The following NEDD4 variants were observed in gnomAD, a reference collection of about 807,000 sequenced individuals.
NEDD4 encodes NEDD4 E3 ubiquitin protein ligase, also known as E3 ubiquitin-protein ligase NEDD4.
In NEDD4, 99 loss-of-function variants were observed where a neutral mutation model predicts 144.9. The observed-to-expected ratio is 0.68, with a 90% confidence interval of 0.58 to 0.81. The LOEUF is 0.81. NEDD4 is among the 30% of genes least tolerant of loss of function. The probability of loss-of-function intolerance (pLI) is 0.00; values close to 1 mark genes in which losing one functional copy is unlikely to be tolerated. For missense variants in NEDD4, 985 were observed against 1,065.9 expected (o/e 0.92, Z 1.06); for synonymous variants, 318 against 350.6 (o/e 0.91, Z 1.04).
intron 12 of NEDD4, 71 bp downstream of exon 12, chr15:55,856,060 A>G: frequency 2.2e-6 from 3 of 1,368,584 alleles, no homozygotes; most frequent in Non-Finnish European, 3.1e-6. Context: ...TTCACACTCA[A>G]TCTTCCAAAA....
Position 55,966,513 on chromosome 15 carries a change from C to A in NEDD4, c.79G>T (p.Ala27Ser). The change falls in exon 2 of 29, where the codon GCC (alanine) becomes TCC (serine). Residue 27 changes from alanine (A) to serine (S), a missense_variant. Ala to Ser is a moderately conservative substitution (Grantham distance 99). Transcript: ENST00000435532. The stretch of plus-strand genomic sequence containing the variant: ...TCCTTCTTGGCAAGGCCTATTCCGG[C>A]TATAACTCTTACTCTCACAATTCGT... ...NSRIVRVRVI[A>S]GIGLAKKDIL... The A allele has an allele frequency of 6.5e-7, 1 of 1,534,962 alleles. No individual in the cohort carries two copies. Among genetic ancestry groups the A allele is most frequent in the South Asian group, 1.3e-5 (1 of 79,554 alleles).
chr15:55,903,839 AAC>A (rs201876442), intron 5 of NEDD4, among the ~76,000 whole-genome samples: 2 of 106,206 alleles, frequency 1.9e-5, no homozygotes, highest in African/African-American at 7.8e-5. Flanking sequence ...AAAAAAAAAA[AAC>A]ACACATATAT....
intron 17 of NEDD4, among the ~76,000 whole-genome samples, chr15:55,847,941 A>G (rs1035494411): frequency 6.6e-6 from 1 of 152,060 alleles, no homozygotes; most frequent in Non-Finnish European, 1.5e-5. Flanking sequence ...TGGCCTCCCA[A>G]AGTGCTGGGA....
At chr15:55,881,854 T>G (rs1265681265) in intron 5 of NEDD4, among the ~76,000 whole-genome samples, 3 of 152,152 alleles carry the variant, frequency 2.0e-5, no homozygotes, top group South Asian at 2.1e-4. Context: ...TAATTTTTTT[T>G]TTGTTGTGGG....
rs2033529872 is a variant in NEDD4, at chr15:55,841,949, A to C, written c.1823T>G (p.Phe608Cys). The change falls in exon 19 of 29, where the codon TTT becomes TGT. Residue 608 changes from phenylalanine to cysteine, a missense_variant. Phe to Cys is a radical substitution (Grantham distance 205). Transcript: ENST00000435532. ...AGGTACTTACGTAGCAGAATATTCA[A>C]ACAACCCATAATAAGGGTTAAACAT... is the stretch of plus-strand genomic sequence containing the variant. ...KEMFNPYYGL[F>C]EYSATDNYTL... is the part of the protein sequence containing the mutation. The C allele has an allele frequency of 6.2e-7, 1 of 1,610,742 alleles. No homozygotes were observed. Among genetic ancestry groups the C allele is most frequent in the Non-Finnish European group, 8.5e-7 (1 of 1,176,902 alleles).
chr15:55,877,412 T>C (rs2035033057), intron 5 of NEDD4, among the ~76,000 whole-genome samples: 1 of 152,238 alleles, frequency 6.6e-6, no homozygotes. Context: ...GTGATGCTTG[T>C]GCCCTTCTCA....
intron 5 of NEDD4, among the ~76,000 whole-genome samples, chr15:55,921,690 AT>A (rs1352821891): frequency 6.6e-6 from 1 of 152,158 alleles, no homozygotes; most frequent in Non-Finnish European, 1.5e-5. Flanking sequence ...AGTTTTAAAA[AT>A]TTTGTCATAT....
intron 1 of NEDD4, among the ~76,000 whole-genome samples, chr15:55,967,044 G>GT (rs2142330822): frequency 6.6e-6 from 1 of 151,848 alleles, no homozygotes; most frequent in African/African-American, 2.4e-5. Flanking sequence ...GCGCCACCAT[G>GT]CCCAGATAAT....
chr15:55,885,342 C>T (rs1211561783), intron 5 of NEDD4, among the ~76,000 whole-genome samples: 1 of 152,034 alleles, frequency 6.6e-6, no homozygotes, highest in Non-Finnish European at 1.5e-5. Flanking sequence ...TAATGAGCAA[C>T]AGGAAATTAT....
At chr15:55,855,575 G>A (rs2034159734) in intron 12 of NEDD4, among the ~76,000 whole-genome samples, 1 of 152,184 alleles carries the variant, frequency 6.6e-6, no homozygotes, top group Non-Finnish European at 1.5e-5. Flanking sequence ...GAGGATGGAG[G>A]CAGGGTTAAG....
Position 55,984,487 on chromosome 15 carries a change from T to C in NEDD4, c.45+9024A>G, listed in dbSNP as rs565654057. On this transcript the variant is annotated intron_variant, in intron 1 of 28. Transcript: ENST00000435532. ...AGAGTGGGTATTCAGTTAAAGGCAG[T>C]TGCTATTTATTTAGGTTGACTCTTT... is the stretch of plus-strand genomic sequence containing the variant. 7.9e-5 allele frequency among the ~76,000 whole-genome samples: 12 copies of C among 152,280 alleles called. 1 individual carries two copies. In the South Asian group the frequency reaches 1.5e-3, roughly 18 times the overall value.
chr15:55,837,408 C>T (rs1362431420), intron 24 of NEDD4, among the ~76,000 whole-genome samples: 1 of 142,234 alleles, frequency 7.0e-6, no homozygotes, highest in Non-Finnish European at 1.5e-5. Context: ...CCAGCCTGGG[C>T]GACAAAGTGA....
intron 1 of NEDD4, among the ~76,000 whole-genome samples, chr15:55,972,688 CAT>C (rs2037631595): frequency 6.6e-6 from 1 of 152,140 alleles, no homozygotes; most frequent in Non-Finnish European, 1.5e-5. Flanking sequence ...AATCAAAAGA[CAT>C]AGAGTGGTTG....
chr15:55,963,596 C>A (rs66493820), intron 2 of NEDD4, among the ~76,000 whole-genome samples: 20,451 of 152,066 alleles, frequency 0.13, 1,488 homozygotes, highest in East Asian at 0.32. Context: ...TTCCATTCAC[C>A]AACAATATAA....
intron 4 of NEDD4, among the ~76,000 whole-genome samples, chr15:55,947,403 T>G (rs1267574282): frequency 3.9e-5 from 6 of 152,212 alleles, no homozygotes; most frequent in East Asian, 3.9e-4. Context: ...GCAAATAAAC[T>G]AGAAAAGCTA....
chr15:55,896,228 C>A (rs927869943), intron 5 of NEDD4, among the ~76,000 whole-genome samples: 5 of 152,192 alleles, frequency 3.3e-5, no homozygotes, highest in Non-Finnish European at 7.3e-5. Flanking sequence ...GTTGCCCAGG[C>A]TGGAGTGCAA....
intron 5 of NEDD4, among the ~76,000 whole-genome samples, chr15:55,886,702 G>A (rs1250823189): frequency 8.6e-5 from 13 of 150,524 alleles, no homozygotes; most frequent in African/African-American, 3.2e-4. Flanking sequence ...AGGTTGCAGT[G>A]TGCCAAGGTC....
At chr15:55,887,383 A>T (rs2035427925) in intron 5 of NEDD4, among the ~76,000 whole-genome samples, 1 of 152,152 alleles carries the variant, frequency 6.6e-6, no homozygotes. Context: ...TAAATTGGAA[A>T]ATCTAGAAGT....
At chr15:55,942,465 T>C (rs1376810792) in intron 4 of NEDD4, among the ~76,000 whole-genome samples, 1 of 152,202 alleles carries the variant, frequency 6.6e-6, no homozygotes, top group East Asian at 1.9e-4. Flanking sequence ...CTGGTGATAG[T>C]AAGCGACTTC....
Sources: gnomAD v4.1 joint callset for allele counts (sites outside exome capture counted in the v4.1 genomes callset) on GRCh38, gnomAD v4.1.1 for gene constraint, MANE v1.5 for transcripts, NCBI Gene and HGNC (gene_info 2026-07-23, HGNC 2026-07-21) for gene names.